The following PRKD1 variants were observed in gnomAD, a reference collection of about 807,000 sequenced individuals.
The protein encoded by PRKD1 is serine/threonine-protein kinase D1.
PRKD1 carries 63 observed loss-of-function variants against 95.9 expected under a neutral mutation model. The ratio of observed to expected loss-of-function variants is 0.66; its 90% CI spans 0.54 to 0.81. The LOEUF (loss-of-function observed/expected upper bound fraction) is 0.81. PRKD1 is among the 30% of genes least tolerant of loss of function. The pLI, the probability that PRKD1 is intolerant of heterozygous loss-of-function variation, is 0.00. For synonymous variants in PRKD1, 425 were observed against 423.1 expected, an observed-to-expected ratio of 1.00 and a Z score of -0.05; for missense variants, 1,048 against 1,165.3, an observed-to-expected ratio of 0.90 and a Z score of 1.47.
intron 1 of PRKD1, among the ~76,000 whole-genome samples, chr14:29,750,974 T>C (rs1887455887): frequency 6.6e-6 from 1 of 152,160 alleles, no homozygotes; most frequent in Admixed American, 6.6e-5. Flanking sequence ...ACTCCTCTTT[T>C]GGGGACTGGC....
chr14:29,907,650 T>A (rs1441571865), intron 1 of PRKD1, among the ~76,000 whole-genome samples: 1 of 152,200 alleles, frequency 6.6e-6, no homozygotes, highest in Non-Finnish European at 1.5e-5. Flanking sequence ...CAAAGACAGC[T>A]CTACAGTACT....
chr14:29,762,646 G>A (rs1017076278), intron 1 of PRKD1, among the ~76,000 whole-genome samples: 2 of 152,176 alleles, frequency 1.3e-5, no homozygotes, highest in Non-Finnish European at 2.9e-5. Flanking sequence ...TATTTGAAAT[G>A]TCTTAGTGAC....
chr14:29,720,973 G>A (rs1263911797), intron 2 of PRKD1, among the ~76,000 whole-genome samples: 3 of 152,134 alleles, frequency 2.0e-5, no homozygotes, highest in African/African-American at 7.2e-5. Flanking sequence ...TGGGATAAAG[G>A]AAATGTCATC....
chr14:29,860,435 G>A lies in PRKD1; in HGVS notation c.264+66814C>T, dbSNP rs1037346074. ...TATCTCCTAATGGTAAAAGCTGCAA[G>A]ATAAGAAAGAGGTCTTGCCTGAGAA... is the stretch of plus-strand genomic sequence containing the variant. On this transcript the variant is annotated intron_variant, in intron 1 of 17. Transcript: ENST00000331968. Among the ~76,000 whole-genome samples, 3 of 152,148 alleles carry A rather than the reference G, an allele frequency of 2.0e-5. No homozygotes were observed. The South Asian group carries it at 6.2e-4, about 32-fold the overall frequency.
At chr14:29,614,441 C>A (rs1462084963) in intron 13 of PRKD1, among the ~76,000 whole-genome samples, 1 of 151,870 alleles carries the variant, frequency 6.6e-6, no homozygotes, top group African/African-American at 2.4e-5. Flanking sequence ...ATTTCTGAGC[C>A]CTGTCTCACT....
intron 13 of PRKD1, 105 bp from the exon 14 acceptor site, chr14:29,599,922 C>A: frequency 9.8e-7 from 1 of 1,024,202 alleles, no homozygotes. Context: ...ATAGAGAAAC[C>A]CACACTTAAG....
At chr14:29,733,108 ATTT>A (rs35777923) in intron 1 of PRKD1, among the ~76,000 whole-genome samples, 1 of 138,884 alleles carries the variant, frequency 7.2e-6, no homozygotes, top group African/African-American at 2.6e-5. Context: ...TTATTTATTT[ATTT>A]TTTTTTTTTG....
chr14:29,859,858 T>A (rs1426629249), intron 1 of PRKD1, among the ~76,000 whole-genome samples: 1 of 152,082 alleles, frequency 6.6e-6, no homozygotes, highest in Admixed American at 6.5e-5. Flanking sequence ...AATAATATAG[T>A]TTTTTAAATA....
At chr14:29,875,228 T>C (rs1246044622) in intron 1 of PRKD1, among the ~76,000 whole-genome samples, 2 of 152,056 alleles carry the variant, frequency 1.3e-5, no homozygotes, top group African/African-American at 2.4e-5. Context: ...TTCCCAGAGA[T>C]AGATAAAATG....
intron 2 of PRKD1, among the ~76,000 whole-genome samples, chr14:29,672,117 C>G (rs1489907948): frequency 6.6e-6 from 1 of 151,860 alleles, no homozygotes; most frequent in Non-Finnish European, 1.5e-5. Flanking sequence ...CCAAGGCAGG[C>G]AGATCACGAG....
intron 1 of PRKD1, among the ~76,000 whole-genome samples, chr14:29,819,409 G>A (rs916155791): frequency 6.6e-6 from 1 of 152,104 alleles, no homozygotes; most frequent in Non-Finnish European, 1.5e-5. Flanking sequence ...AGCAAATGGG[G>A]GCCGGGCGCG....
chr14:29,630,626 T>C, intron 10 of PRKD1, 116 bp downstream of exon 10: 5 of 1,335,654 alleles, frequency 3.7e-6, no homozygotes, highest in Non-Finnish European at 5.2e-6. Context: ...ATAAACTAAG[T>C]CATCCCCAAG....
intron 13 of PRKD1, among the ~76,000 whole-genome samples, chr14:29,612,610 C>T (rs1244850681): frequency 2.0e-5 from 3 of 152,176 alleles, no homozygotes; most frequent in African/African-American, 4.8e-5. Flanking sequence ...TAACTTTTTA[C>T]GATGATTTAA....
intron 1 of PRKD1, among the ~76,000 whole-genome samples, chr14:29,861,499 C>T (rs913340284): frequency 6.6e-6 from 1 of 152,120 alleles, no homozygotes; most frequent in Non-Finnish European, 1.5e-5. Flanking sequence ...GCATAATAAT[C>T]ACATCATGGA....
At chr14:29,720,418 A>C (rs1333669924) in intron 2 of PRKD1, among the ~76,000 whole-genome samples, 1 of 152,146 alleles carries the variant, frequency 6.6e-6, no homozygotes, top group Non-Finnish European at 1.5e-5. Context: ...GAATGCATGT[A>C]ATATTATCAC....
intron 1 of PRKD1, among the ~76,000 whole-genome samples, chr14:29,924,295 T>G (rs1429164357): frequency 6.6e-6 from 1 of 152,200 alleles, no homozygotes; most frequent in Non-Finnish European, 1.5e-5. Context: ...TATCTTAAAA[T>G]AAGTATTTTT....
intron 1 of PRKD1, among the ~76,000 whole-genome samples, chr14:29,921,705 A>G (rs947481271): frequency 1.3e-5 from 2 of 152,192 alleles, no homozygotes; most frequent in Non-Finnish European, 2.9e-5. Flanking sequence ...TCTCCCATAA[A>G]AGCTATGATA....
In PRKD1 at chr14:29,678,138, A is replaced by G. The variant is rs1345243930; in HGVS notation, c.404-11930T>C. Among the ~76,000 whole-genome samples, 4 of 152,146 alleles carry G rather than the reference A, an allele frequency of 2.6e-5. No individual in the cohort carries two copies. The East Asian group carries it at 7.7e-4, about 29-fold the overall frequency. On this transcript the variant is annotated intron_variant, in intron 2 of 17. Coordinates refer to ENST00000331968, the MANE Select transcript of PRKD1 (RefSeq NM_002742.3). ...ATATTATTCTTTCGTAAGCTTATTG[A>G]TTCCATTTTTCCAAACATTTTATTT...
At chr14:29,767,230 T>C (rs1594498658) in intron 1 of PRKD1, among the ~76,000 whole-genome samples, 1 of 152,134 alleles carries the variant, frequency 6.6e-6, no homozygotes, top group African/African-American at 2.4e-5. Context: ...AATCTGTCTA[T>C]AGAACTACAA....
Sources: allele counts gnomAD v4.1 joint callset (sites outside exome capture counted in the v4.1 genomes callset), GRCh38; gene constraint gnomAD v4.1.1; transcripts MANE v1.5; gene names NCBI Gene and HGNC (gene_info 2026-07-23, HGNC 2026-07-21).